Variants in CSTF3 observed in about 807,000 individuals in gnomAD.
CSTF3 encodes the protein CF-1 77 kDa subunit.
A neutral mutation model predicts 105.8 loss-of-function variants in CSTF3; 29 were observed. That is an observed-to-expected ratio of 0.27 (90% CI 0.20 to 0.37). The LOEUF is 0.37. Ranked by LOEUF, CSTF3 falls within the 10% of genes least tolerant of loss-of-function variation. The pLI is 1.00. For missense variants in CSTF3, 357 were observed against 879.3 expected (o/e 0.41, Z 7.51); for synonymous variants, 252 against 281.9 (o/e 0.89, Z 1.06).
intron 3 of CSTF3, among the ~76,000 whole-genome samples, chr11:33,127,788 GA>G (rs1855558559): frequency 6.6e-6 from 1 of 152,098 alleles, no homozygotes; most frequent in Non-Finnish European, 1.5e-5. Flanking sequence ...AAAGTATCCA[GA>G]AGACATCAAA....
intron 3 of CSTF3, among the ~76,000 whole-genome samples, chr11:33,111,276 T>G (rs1487928748): frequency 6.6e-6 from 1 of 152,132 alleles, no homozygotes; most frequent in African/African-American, 2.4e-5. Flanking sequence ...TTGTACAAGA[T>G]TACTTACTGT....
At position 33,087,021 on chromosome 11, in the gene CSTF3, G is replaced by A; in HGVS notation, c.1762C>T (p.Gln588Ter). Reference sequence around the variant, plus strand: ...TGTCGTGGCTGAAATGGAATCATCTGCTGAGTGTCTGGTTTAGGGTATTCT... The same window carrying A: ...TGTCGTGGCTGAAATGGAATCATCTACTGAGTGTCTGGTTTAGGGTATTCT... The part of the protein sequence containing the change: ...KPEYPKPDTQ[Q>*]MIPFQPRHLA... The change falls in exon 18 of 21, where the codon CAG becomes TAG. Residue 588 changes from glutamine to a stop codon, truncating the protein, a stop_gained. Coordinates refer to ENST00000323959, the MANE Select transcript of CSTF3 (RefSeq NM_001326.3). LOFTEE classifies it high-confidence loss of function. The A allele has an allele frequency of 6.2e-7, 1 of 1,614,102 alleles. No individual in the cohort carries two copies. The highest frequency in any genetic ancestry group is 8.5e-7 in the Non-Finnish European group (1 of 1,179,998).
intron 1 of CSTF3, among the ~76,000 whole-genome samples, chr11:33,153,310 T>C (rs555960156): frequency 1.3e-5 from 2 of 152,176 alleles, no homozygotes; most frequent in Non-Finnish European, 2.9e-5. Context: ...AGCCTTTACA[T>C]ACAATTGTGG....
At chr11:33,105,351 A>G (rs2133777354) in intron 8 of CSTF3, among the ~76,000 whole-genome samples, 1 of 152,348 alleles carries the variant, frequency 6.6e-6, no homozygotes, top group East Asian at 1.9e-4. Context: ...CAAAGAATAA[A>G]AATAGTTTTA....
At chr11:33,096,666 T>G (rs2133772634) in intron 14 of CSTF3, among the ~76,000 whole-genome samples, 169 bp downstream of exon 14, 1 of 152,222 alleles carries the variant, frequency 6.6e-6, no homozygotes, top group African/African-American at 2.4e-5. Flanking sequence ...AATTAGCAAG[T>G]AGTTGGGGAT....
At chr11:33,122,914 CAA>C (rs10600978) in intron 3 of CSTF3, among the ~76,000 whole-genome samples, 26,160 of 83,806 alleles carry the variant, frequency 0.31, 1,934 homozygotes, top group Middle Eastern at 0.43. Context: ...TATCCTGTCT[CAA>C]AAAAAAAAAA....
At chr11:33,157,688 A>T (rs536788161) in intron 1 of CSTF3, among the ~76,000 whole-genome samples, 23 of 152,358 alleles carry the variant, frequency 1.5e-4, no homozygotes, top group Admixed American at 1.2e-3. Context: ...ACCAAGAGAA[A>T]AATGACTATC....
At position 33,096,355 on chromosome 11, in the gene CSTF3, G is replaced by A; in HGVS notation, c.1326C>T (p.Asp442=). ...TATAGGCCAGGACATACTCTGGAAT[G>A]TCTCCATATTTTTTTAGCCCCAGCT... ...IFELGLKKYG[D]IPEYVLAYID... is the part of the protein sequence containing the mutation. Residue 442 remains aspartate, a synonymous_variant, in exon 15 of 21, where the codon GAC becomes GAT. Coordinates refer to ENST00000323959, the MANE Select transcript of CSTF3 (RefSeq NM_001326.3). The A allele has an allele frequency of 6.2e-7, 1 of 1,601,248 alleles. No individual in the cohort carries two copies. Among genetic ancestry groups the A allele is most frequent in the Non-Finnish European group, 8.5e-7 (1 of 1,177,442 alleles).
intron 20 of CSTF3, 134 bp downstream of exon 20, chr11:33,085,579 T>C: frequency 1.3e-6 from 1 of 766,118 alleles, no homozygotes; most frequent in Non-Finnish European, 2.2e-6. Flanking sequence ...AGGGTTTGGG[T>C]AACTCCTGGG....
At chr11:33,136,886 T>C (rs1855659634) in intron 3 of CSTF3, among the ~76,000 whole-genome samples, 1 of 151,902 alleles carries the variant, frequency 6.6e-6, no homozygotes, top group Admixed American at 6.6e-5. Context: ...TATTAGGTAT[T>C]ACATATTATT....
Position 33,154,497 on chromosome 11 carries a change from T to C in CSTF3, c.27+6802A>G, listed in dbSNP as rs560466078. Reference sequence around the variant, plus strand: ...TAGCACTCCGTAAGACTTTCTTTTTTTTTTTTTTTTTTTTTTTGAGATGAA... The same window carrying C: ...TAGCACTCCGTAAGACTTTCTTTTTCTTTTTTTTTTTTTTTTTGAGATGAA... On this transcript the variant is annotated intron_variant, in intron 1 of 20. Transcript: ENST00000323959. Among the ~76,000 whole-genome samples the C allele has an allele frequency of 2.9e-4, 41 of 143,600 alleles. 1 individual carries two copies. The South Asian group carries it at 4.7e-3, about 16-fold the overall frequency. The allele number at this position is 143,600 out of a possible 152,430, so 94.2% of individuals were successfully genotyped here.
In CSTF3 at chr11:33,085,194, C is replaced by A. The variant is rs947718358; in HGVS notation, c.2047G>T (p.Ala683Ser). The change falls in exon 21 of 21, where the codon GCC becomes TCC. Residue 683 changes from alanine to serine, a missense_variant. Ala to Ser is a moderately conservative substitution (Grantham distance 99). This residue lies in a region of CSTF3 where 73 missense variants were observed against 105.8 expected (regional missense o/e 0.69). Coordinates refer to ENST00000323959, the MANE Select transcript of CSTF3 (RefSeq NM_001326.3). Reference sequence around the variant, plus strand: ...GAATCCTCGTTGGGCCTTTTGACGGCCTTGGTGAGTACTGCATTACTTTCC... The same window carrying A: ...GAATCCTCGTTGGGCCTTTTGACGGACTTGGTGAGTACTGCATTACTTTCC... ...PVESNAVLTKAVKRPNEDSDE... is the reference protein window; with the variant it reads ...PVESNAVLTKSVKRPNEDSDE... The A allele has an allele frequency of 1.2e-6, 2 of 1,613,956 alleles. No individual in the cohort carries two copies. Among genetic ancestry groups the A allele is most frequent in the Non-Finnish European group, 8.5e-7 (1 of 1,180,008 alleles).
intron 1 of CSTF3, among the ~76,000 whole-genome samples, chr11:33,160,819 T>G (rs761674962): frequency 6.6e-6 from 1 of 152,236 alleles, no homozygotes; most frequent in Non-Finnish European, 1.5e-5. Flanking sequence ...CAGCATAACT[T>G]GCTTCTTTCT....
rs1213629881 is a variant in CSTF3 at position 33,124,762 on chromosome 11, C to T, written c.226-16344G>A. Among the ~76,000 whole-genome samples the T allele has an allele frequency of 2.6e-5, 4 of 152,160 alleles. No individual in the cohort carries two copies. The East Asian group carries it at 7.7e-4, about 29-fold the overall frequency. ...TTCAAAAATGCATGCGTAACTTCCA[C>T]AATGGTATTTTATTAACATGACTCT... On this transcript the variant is annotated intron_variant, in intron 3 of 20. Coordinates refer to ENST00000323959, the MANE Select transcript of CSTF3 (RefSeq NM_001326.3).
chr11:33,143,145 A>C (rs1855734724), intron 1 of CSTF3, among the ~76,000 whole-genome samples: 1 of 152,238 alleles, frequency 6.6e-6, no homozygotes, highest in South Asian at 2.1e-4. Context: ...TGTATGTACA[A>C]TACAATGAAA....
intron 15 of CSTF3, among the ~76,000 whole-genome samples, chr11:33,095,221 T>C (rs528062439): frequency 2.6e-4 from 40 of 152,106 alleles, no homozygotes; most frequent in Non-Finnish European, 5.0e-4. Context: ...TTTTAAATGT[T>C]TTTTAGAGAC....
intron 17 of CSTF3, among the ~76,000 whole-genome samples, chr11:33,087,418 C>G (rs1382801534): frequency 6.6e-6 from 1 of 152,098 alleles, no homozygotes; most frequent in African/African-American, 2.4e-5. Context: ...CAGATACAAG[C>G]TTTTTTGGGT....
intron 5 of CSTF3, 113 bp from the exon 6 acceptor site, chr11:33,106,177 A>G (rs1347026282): frequency 1.4e-6 from 1 of 722,290 alleles, no homozygotes; most frequent in Non-Finnish European, 2.4e-6. Flanking sequence ...TGGGAGGCCG[A>G]GGCAGAAGGA....
intron 1 of CSTF3, among the ~76,000 whole-genome samples, chr11:33,151,690 TTG>T (rs1355425789): frequency 1.3e-5 from 2 of 152,194 alleles, no homozygotes; most frequent in Admixed American, 6.5e-5. Flanking sequence ...GGAGTTCATT[TTG>T]TGTGTTTTCC....
Sources: gnomAD v4.1 joint callset for allele counts (sites outside exome capture counted in the v4.1 genomes callset) on GRCh38, gnomAD v4.1.1 for gene constraint, gnomAD v4.1.1 regional missense constraint, MANE v1.5 for transcripts, NCBI Gene and HGNC (gene_info 2026-07-23, HGNC 2026-07-21) for gene names.